IL1RAP: variants seen among roughly 807,000 people sequenced by gnomAD.
The protein encoded by IL1RAP is interleukin 1 receptor accessory protein.
Under a neutral mutation model 60.7 loss-of-function variants are expected in IL1RAP, and 35 were observed. The observed-to-expected ratio is 0.58, with a 90% CI of 0.44 to 0.76. The LOEUF is 0.76. IL1RAP is among the 30% of genes least tolerant of loss of function. The pLI is 0.00. For missense variants in IL1RAP, 572 were observed against 693.9 expected (o/e 0.82, Z 1.97); for synonymous variants, 268 against 250.9 (o/e 1.07, Z -0.64).
downstream of IL1RAP, among the ~76,000 whole-genome samples, chr3:190,654,623 C>G (rs1328874250): frequency 6.6e-6 from 1 of 152,162 alleles, no homozygotes; most frequent in Non-Finnish European, 1.5e-5. Flanking sequence ...AAACTATAAT[C>G]TGTAAGAAGC....
chr3:190,640,585 CAGGGA>C (rs1482544036), intron 9 of IL1RAP, among the ~76,000 whole-genome samples: 62 of 152,278 alleles, frequency 4.1e-4, no homozygotes, highest in Non-Finnish European at 4.1e-4. Flanking sequence ...GGTTCTGTGG[CAGGGA>C]ACACTTGGAG....
downstream of IL1RAP, chr3:190,656,417 A>G (rs1458496888): frequency 2.6e-6 from 4 of 1,537,206 alleles, no homozygotes; most frequent in Non-Finnish European, 3.5e-6. Context: ...CACCTTAGGA[A>G]CAAGAGCCGG....
downstream of IL1RAP, among the ~76,000 whole-genome samples, chr3:190,652,995 C>T (rs576261536): frequency 2.0e-5 from 3 of 152,184 alleles, no homozygotes; most frequent in Admixed American, 6.5e-5. Context: ...GTATGAGAGA[C>T]GGGTTTAGCA....
intron 5 of IL1RAP, among the ~76,000 whole-genome samples, chr3:190,617,885 A>G (rs1207233731): frequency 6.6e-6 from 1 of 152,214 alleles, no homozygotes; most frequent in East Asian, 1.9e-4. Context: ...ACGTATTAGA[A>G]TGTAAAATAT....
chr3:190,656,337 A>G (rs776052979), downstream of IL1RAP: 4 of 1,537,230 alleles, frequency 2.6e-6, no homozygotes, highest in East Asian at 2.4e-5. Flanking sequence ...CCCCAGGCAC[A>G]ATGTCCAAGC....
intron 9 of IL1RAP, among the ~76,000 whole-genome samples, chr3:190,640,737 C>T (rs1377646489): frequency 2.0e-5 from 3 of 152,066 alleles, no homozygotes; most frequent in African/African-American, 7.2e-5. Flanking sequence ...GGGAAAATGC[C>T]AAGAGCTAAC....
chr3:190,608,629 A>T (rs993055585), intron 4 of IL1RAP, among the ~76,000 whole-genome samples: 7 of 151,966 alleles, frequency 4.6e-5, no homozygotes, highest in Admixed American at 3.9e-4. Flanking sequence ...ACATCAATAA[A>T]CAATAGAAAT....
At chr3:190,596,898 T>C (rs1469972642) in intron 3 of IL1RAP, among the ~76,000 whole-genome samples, 1 of 152,174 alleles carries the variant, frequency 6.6e-6, no homozygotes, top group East Asian at 1.9e-4. Context: ...TTTTATTTGT[T>C]CATTGAATAA....
chr3:190,626,875 G>T (rs1283732915), intron 7 of IL1RAP, among the ~76,000 whole-genome samples: 1 of 151,892 alleles, frequency 6.6e-6, no homozygotes, highest in Non-Finnish European at 1.5e-5. Flanking sequence ...TCACCATGTT[G>T]GCCAGGCTGG....
chr3:190,562,929 C>T (rs1726039538), intron 2 of IL1RAP, among the ~76,000 whole-genome samples: 2 of 152,080 alleles, frequency 1.3e-5, no homozygotes, highest in Non-Finnish European at 2.9e-5. Flanking sequence ...GAAACAACAG[C>T]TTGTGATATG....
chr3:190,542,824 G>A (rs995624495), intron 1 of IL1RAP, among the ~76,000 whole-genome samples: 2 of 151,800 alleles, frequency 1.3e-5, no homozygotes, highest in African/African-American at 2.4e-5. Flanking sequence ...AAGCTTTTGG[G>A]GGTTAGAAAT....
In IL1RAP at chr3:190,572,917, G is replaced by A. The variant is rs1171535880; in HGVS notation, c.64+8564G>A. ...CTCGCTCTGTCGCCCAGGCTGGAGT[G>A]CAGTGGCGGGATCTCGGCTCACTGC... On this transcript the variant is annotated intron_variant, in intron 3 of 11. Transcript: ENST00000447382. Among the ~76,000 whole-genome samples, 16 of 43,866 alleles carry A rather than the reference G, an allele frequency of 3.6e-4. 3 individuals are homozygous for A. The highest frequency in any genetic ancestry group is 7.0e-4 in the Non-Finnish European group (14 of 20,042). The allele number at this position is 43,866 out of a possible 152,430, so 28.8% of individuals were successfully genotyped here. A position where few individuals can be genotyped will look rare whatever the true frequency, so the allele number is the denominator to read the frequency against.
intron 3 of IL1RAP, among the ~76,000 whole-genome samples, chr3:190,582,842 T>A (rs1728125425): frequency 6.6e-6 from 1 of 152,258 alleles, no homozygotes; most frequent in South Asian, 2.1e-4. Context: ...AATTCCTACC[T>A]GTTGCTTCAG....
chr3:190,615,903 G>A (rs149882294), intron 5 of IL1RAP, among the ~76,000 whole-genome samples: 2,892 of 152,230 alleles, frequency 0.019, 46 homozygotes, highest in South Asian at 0.05. Context: ...TTTTTTAAAT[G>A]CCTGCTTCTA....
intron 2 of IL1RAP, among the ~76,000 whole-genome samples, chr3:190,558,224 T>A (rs906905676): frequency 6.6e-6 from 1 of 152,196 alleles, no homozygotes; most frequent in African/African-American, 2.4e-5. Context: ...CTTTAGGCAA[T>A]TAATAATAGG....
chr3:190,620,265 CT>C lies in IL1RAP; in HGVS notation c.538-5del. The C allele has an allele frequency of 8.7e-7, 1 of 1,151,898 alleles. No homozygotes were observed. Among genetic ancestry groups the C allele is most frequent in the Non-Finnish European group, 1.2e-6 (1 of 848,550 alleles). 71.4% of individuals were successfully genotyped at this position (1,151,898 alleles called of 1,614,324 possible). ...AAAAAGTAAACTTTTTTTTTTTTTA[CT>C]TTTTCTAGGGCTGTTATAAAATACA... On this transcript the variant is annotated splice_polypyrimidine_tract_variant and intron_variant, in intron 5 of 11. Coordinates refer to ENST00000447382, the MANE Select transcript of IL1RAP (RefSeq NM_002182.4).
chr3:190,609,666 G>A (rs1307510769), intron 5 of IL1RAP, among the ~76,000 whole-genome samples: 1 of 152,140 alleles, frequency 6.6e-6, no homozygotes, highest in Non-Finnish European at 1.5e-5. Flanking sequence ...AAAAGTGTTG[G>A]AAGGTAGCGC....
chr3:190,527,543 T>C (rs1372095670), intron 1 of IL1RAP, among the ~76,000 whole-genome samples: 1 of 152,144 alleles, frequency 6.6e-6, no homozygotes, highest in Non-Finnish European at 1.5e-5. Context: ...GAGGCAAAGG[T>C]TGCATGTGGA....
intron 3 of IL1RAP, among the ~76,000 whole-genome samples, chr3:190,593,127 C>G (rs1310168281): frequency 4.6e-5 from 7 of 151,886 alleles, no homozygotes; most frequent in East Asian, 3.9e-4. Context: ...ATGTTATCAT[C>G]CCTTGTATCT....
Sources: allele counts gnomAD v4.1 joint callset (sites outside exome capture counted in the v4.1 genomes callset), GRCh38; gene constraint gnomAD v4.1.1; transcripts MANE v1.5; gene names NCBI Gene and HGNC (gene_info 2026-07-23, HGNC 2026-07-21).